The following PDE1A variants were observed in gnomAD, a reference collection of about 807,000 sequenced individuals.
The protein encoded by PDE1A is dual specificity calcium/calmodulin-dependent 3',5'-cyclic nucleotide phosphodiesterase 1A.
In PDE1A, 35 loss-of-function variants were observed where a neutral mutation model predicts 61.7. The observed-to-expected ratio is 0.57, with a 90% CI of 0.43 to 0.75. The LOEUF is 0.75. PDE1A is among the 30% of genes least tolerant of loss of function. PDE1A has a pLI of 0.00. For missense variants in PDE1A, 597 were observed against 630.6 expected, an observed-to-expected ratio of 0.95 and a Z score of 0.57; for synonymous variants, 232 against 213.2, an observed-to-expected ratio of 1.09 and a Z score of -0.77.
At chr2:182,635,179 T>C in the PDE1A span, among the ~76,000 whole-genome samples, 3 of 152,014 alleles carry the variant, frequency 2.0e-5, no homozygotes, top group Admixed American at 6.5e-5. Flanking sequence ...TTTCGGTATT[T>C]TTTCTTTAGA....
At chr2:182,580,802 C>T in the PDE1A span, among the ~76,000 whole-genome samples, 1 of 151,988 alleles carries the variant, frequency 6.6e-6, no homozygotes, top group African/African-American at 2.4e-5. Context: ...TGCTTGACAC[C>T]GCTCAACAAT....
chr2:182,529,019 T>C, the PDE1A span, among the ~76,000 whole-genome samples: 11 of 152,108 alleles, frequency 7.2e-5, no homozygotes, highest in Admixed American at 7.2e-4. Context: ...AAATGTGGGG[T>C]TGAAGCCTCC....
chr2:182,200,581 G>C (rs534832126), intron 10 of PDE1A, among the ~76,000 whole-genome samples: 1 of 152,288 alleles, frequency 6.6e-6, no homozygotes, highest in East Asian at 1.9e-4. Flanking sequence ...TTCCTTATGG[G>C]CCTTTTCATT....
intron 1 of PDE1A, among the ~76,000 whole-genome samples, chr2:182,392,895 G>A (rs1408788521): frequency 6.6e-6 from 1 of 152,276 alleles, no homozygotes; most frequent in East Asian, 1.9e-4. Context: ...GCTTTGCAGG[G>A]TACAGCCTCC....
At chr2:182,430,119 A>T (rs1703856677), upstream of PDE1A, among the ~76,000 whole-genome samples, 2 of 152,124 alleles carry the variant, frequency 1.3e-5, no homozygotes, top group South Asian at 2.1e-4. Flanking sequence ...ATCTCAATTT[A>T]AAAAAGAGCT....
At chr2:182,386,038 G>A (rs1459005743) in intron 1 of PDE1A, among the ~76,000 whole-genome samples, 1 of 152,176 alleles carries the variant, frequency 6.6e-6, no homozygotes, top group African/African-American at 2.4e-5. Context: ...TTTTTTTGGT[G>A]GAGACGGGGT....
the PDE1A span, among the ~76,000 whole-genome samples, chr2:182,546,784 T>G: frequency 7.2e-5 from 11 of 152,322 alleles, no homozygotes; most frequent in East Asian, 2.1e-3. Context: ...ATGAAACATT[T>G]TATTAACTCT....
intron 2 of PDE1A, among the ~76,000 whole-genome samples, chr2:182,241,263 C>T (rs1409020505): frequency 1.3e-5 from 2 of 152,202 alleles, no homozygotes; most frequent in Non-Finnish European, 2.9e-5. Flanking sequence ...AGGAAGAACA[C>T]AGGCCAGCTC....
chr2:182,271,072 T>G (rs1329212414), intron 1 of PDE1A, among the ~76,000 whole-genome samples: 1 of 150,596 alleles, frequency 6.6e-6, no homozygotes, highest in Non-Finnish European at 1.5e-5. Context: ...TTGAACACAA[T>G]GAAAACAAAC....
At chr2:182,442,978 A>G (rs535167400) in intron 2 of PDE1A, among the ~76,000 whole-genome samples, 3 of 152,066 alleles carry the variant, frequency 2.0e-5, no homozygotes, top group Non-Finnish European at 4.4e-5. Flanking sequence ...AATAAATAAG[A>G]TGGGTAATCT....
At chr2:182,160,449 G>A (rs116312663) in intron 13 of PDE1A, among the ~76,000 whole-genome samples, 163 of 152,226 alleles carry the variant, frequency 1.1e-3, no homozygotes, top group African/African-American at 3.2e-3. Context: ...GGAGACATTC[G>A]TCTTGCTCAG....
chr2:182,358,948 C>T (rs1176898024), intron 1 of PDE1A, among the ~76,000 whole-genome samples: 1 of 151,900 alleles, frequency 6.6e-6, no homozygotes, highest in Non-Finnish European at 1.5e-5. Context: ...CCTTCCATTC[C>T]CTTTCTTCCT....
intron 1 of PDE1A, 66 bp from the exon 2 acceptor site, chr2:182,264,480 T>C: frequency 1.8e-6 from 2 of 1,135,852 alleles, no homozygotes. Context: ...TGGAAAATAG[T>C]ACAGTATTAA....
At chr2:182,239,926 G>A (rs573373439) in intron 3 of PDE1A, among the ~76,000 whole-genome samples, 184 bp downstream of exon 3, 2 of 152,170 alleles carry the variant, frequency 1.3e-5, no homozygotes, top group South Asian at 2.1e-4. Flanking sequence ...GAATGCATCC[G>A]GGACCAGGTG....
intron 1 of PDE1A, among the ~76,000 whole-genome samples, chr2:182,361,935 T>C (rs1017608977): frequency 5.3e-5 from 8 of 152,002 alleles, no homozygotes; most frequent in African/African-American, 1.9e-4. Context: ...GGCCAAGCCA[T>C]CTACCAAGCA....
intron 7 of PDE1A, among the ~76,000 whole-genome samples, chr2:182,209,674 C>T (rs1352709478): frequency 2.0e-5 from 3 of 151,800 alleles, no homozygotes; most frequent in Non-Finnish European, 2.9e-5. Flanking sequence ...CTCATAAGAT[C>T]TGGTTGCTGA....
intron 2 of PDE1A, among the ~76,000 whole-genome samples, chr2:182,476,909 A>AAAAT (rs71008223): frequency 1.3e-3 from 199 of 150,794 alleles, no homozygotes; most frequent in Non-Finnish European, 2.4e-3. Flanking sequence ...AAAAAAAAAA[A>AAAAT]CTCTGAGCTT....
At chr2:182,424,023 C>A (rs549511530) in intron 1 of PDE1A, among the ~76,000 whole-genome samples, 4 of 149,524 alleles carry the variant, frequency 2.7e-5, no homozygotes, top group Non-Finnish European at 5.9e-5. Context: ...CAGCTCACTG[C>A]GACCTCCGCC....
chr2:182,338,044 T>C (rs1449322108), intron 1 of PDE1A, among the ~76,000 whole-genome samples: 1 of 152,164 alleles, frequency 6.6e-6, no homozygotes, highest in East Asian at 1.9e-4. Context: ...TAGCACAGTT[T>C]GAATGGATTA....
Sources: allele counts gnomAD v4.1 joint callset (sites outside exome capture counted in the v4.1 genomes callset), GRCh38; gene constraint gnomAD v4.1.1; transcripts MANE v1.5; gene names NCBI Gene and HGNC (gene_info 2026-07-23, HGNC 2026-07-21).